BTBD3: variants seen among roughly 807,000 people sequenced by gnomAD.
BTBD3 encodes the protein BTB/POZ domain-containing protein 3.
In BTBD3, 14 loss-of-function variants were observed where a neutral mutation model predicts 41.6. The ratio of observed to expected loss-of-function variants is 0.34; its 90% CI spans 0.22 to 0.53. The LOEUF is 0.53. BTBD3 is among the 20% of genes least tolerant of loss of function. BTBD3 has a pLI of 0.95. For synonymous variants in BTBD3, 249 were observed against 233.7 expected (o/e 1.07, Z -0.60); for missense variants, 426 against 654.7 (o/e 0.65, Z 3.81).
intron 1 of BTBD3, chr20:11,892,395 A>G (rs1467681093): frequency 2.6e-5 from 4 of 152,212 alleles, no homozygotes; most frequent in Admixed American, 1.3e-4. Flanking sequence ...CCCACAGGTT[A>G]CTGGCTTTAA....
chr20:11,901,703 A>G (rs2056824700), intron 1 of BTBD3, among the ~76,000 whole-genome samples: 1 of 152,156 alleles, frequency 6.6e-6, no homozygotes, highest in Admixed American at 6.5e-5. Flanking sequence ...TTAGCTAGCA[A>G]ATATCTCCTA....
Position 11,923,263 on chromosome 20 carries a change from G to T in BTBD3, c.1166G>T (p.Arg389Leu). 1 of 1,614,200 alleles carries T rather than the reference G, an allele frequency of 6.2e-7. No individual in the cohort carries two copies. The highest frequency in any genetic ancestry group is 8.5e-7 in the Non-Finnish European group (1 of 1,180,040). Reference sequence around the variant, plus strand: ...TGTGCCTATCGAAGCAACCAATGGCGCTATCGTGGTCGCTGTGACAGCATC... The same window carrying T: ...TGTGCCTATCGAAGCAACCAATGGCTCTATCGTGGTCGCTGTGACAGCATC... ...QSCAYRSNQWRYRGRCDSIQF... is the reference protein window; with the variant it reads ...QSCAYRSNQWLYRGRCDSIQF... Residue 389 changes from arginine (R) to leucine (L), a missense_variant, in exon 4 of 4, where the codon CGC (arginine) becomes CTC (leucine). By Grantham distance (102) the Arg-to-Leu change is moderately radical. Around this residue, in one of 3 missense-constraint regions of BTBD3, gnomAD observed 321 missense variants for 534.8 expected, o/e 0.60. Transcript: ENST00000378226. This position sits in a 1 kb window ranked among gnomAD's most constrained non-coding sequence, Gnocchi z 5.3.
chr20:11,918,572 GCAGGGT>G lies in BTBD3; in HGVS notation c.299_304del (p.Gln100_Gly101del). ...ACAACCTTATCCCGGCCCCAAACTG[GCAGGGT>G]CTTTATCCCACCATTAGAGAGAGGT... On this transcript the variant is annotated inframe_deletion, in exon 1 of 4. Coordinates refer to ENST00000378226, the MANE Select transcript of BTBD3 (RefSeq NM_014962.4). 1 of 1,611,752 alleles carries G rather than the reference GCAGGGT, an allele frequency of 6.2e-7. No homozygotes were observed. The highest frequency in any genetic ancestry group is 8.5e-7 in the Non-Finnish European group (1 of 1,179,088).
At position 11,924,320 on chromosome 20, in the gene BTBD3, A is replaced by G. The variant is rs910788341; in HGVS notation, c.*654A>G. 2 of 152,234 alleles carry G rather than the reference A, an allele frequency of 1.3e-5. No homozygotes were observed. The highest frequency in any genetic ancestry group is 2.9e-5 in the Non-Finnish European group (2 of 68,044). The allele number at this position is 152,234 out of a possible 1,614,324, so 9.4% of individuals were successfully genotyped here. A position where few individuals can be genotyped will look rare whatever the true frequency, so the allele number is the denominator to read the frequency against. ...ATTTGTTTAGGCCATGACTTCTACA[A>G]GCAGATTTCTTTTCTTTTAGTTTAG... On this transcript the variant is annotated 3_prime_UTR_variant, in exon 4 of 4. Coordinates refer to ENST00000378226, the MANE Select transcript of BTBD3 (RefSeq NM_014962.4).
chr20:11,922,059 G>A (rs1483642589), intron 3 of BTBD3, among the ~76,000 whole-genome samples: 1 of 152,160 alleles, frequency 6.6e-6, no homozygotes, highest in African/African-American at 2.4e-5. Flanking sequence ...AGAGTTTTGA[G>A]TTTAAAAAAC....
chr20:11,919,673 T>G (rs776127166), intron 2 of BTBD3, 45 bp from the exon 3 acceptor site: 1 of 1,558,562 alleles, frequency 6.4e-7, no homozygotes, highest in South Asian at 1.1e-5. Flanking sequence ...TTGCTGGAAA[T>G]GCCTTCAATT....
chr20:11,911,715 CCT>C (rs541026510), intron 1 of BTBD3, among the ~76,000 whole-genome samples: 20 of 152,242 alleles, frequency 1.3e-4, no homozygotes, highest in African/African-American at 4.1e-4. Flanking sequence ...CAATTGGTTG[CCT>C]TTTTTTATTG....
At position 11,922,605 on chromosome 20, in the gene BTBD3, T is replaced by G. The variant is rs373656470; in HGVS notation, c.537-29T>G. 2.6e-6 allele frequency: 4 copies of G among 1,563,856 alleles called. No homozygotes were observed. In the African/African-American group the frequency reaches 5.4e-5, roughly 21 times the overall value. On this transcript the variant is annotated intron_variant, in intron 3 of 3. Transcript: ENST00000378226. ...CTGGATGTACTCATTTTGTGAAAAT[T>G]CCACTTACATGTTATGTGCTTTTTA... is the stretch of plus-strand genomic sequence containing the variant.
At chr20:11,916,364 C>T (rs1408748860), upstream of BTBD3, among the ~76,000 whole-genome samples, 2 of 152,162 alleles carry the variant, frequency 1.3e-5, no homozygotes, top group Non-Finnish European at 2.9e-5. Flanking sequence ...TTCTAGATCC[C>T]TCTCTAACAT....
At chr20:11,913,120 A>G (rs2056899042), upstream of BTBD3, among the ~76,000 whole-genome samples, 1 of 152,214 alleles carries the variant, frequency 6.6e-6, no homozygotes. Flanking sequence ...GTATTTCTTC[A>G]GTCTACCTTA....
Position 11,906,299 on chromosome 20 carries a change from C to T in BTBD3, c.-125-12035C>T, listed in dbSNP as rs373747724. 9.1e-3 allele frequency among the ~76,000 whole-genome samples: 595 copies of T among 65,262 alleles called. 8 individuals carry two copies. The highest frequency in any genetic ancestry group is 0.028 in the African/African-American group (556 of 19,710). 42.8% of individuals were successfully genotyped at this position (65,262 alleles called of 152,430 possible). On this transcript the variant is annotated intron_variant, in intron 1 of 4. Coordinates refer to the BTBD3 transcript ENST00000254977. ...TTTTTTTTTGAGACGGAGTCTCGTT[C>T]TGTAGCCCAGGGTGGAGTGCAATGG...
At chr20:11,918,820 G>A (rs1420234545) in intron 1 of BTBD3, 1 of 583,170 alleles carries the variant, frequency 1.7e-6, no homozygotes, top group African/African-American at 1.9e-5. Flanking sequence ...AAGTGACAGG[G>A]TTGTCTATGG....
chr20:11,894,311 G>C (rs911333715), intron 1 of BTBD3, among the ~76,000 whole-genome samples: 1 of 152,218 alleles, frequency 6.6e-6, no homozygotes, highest in African/African-American at 2.4e-5. Flanking sequence ...TATAGCAGTG[G>C]AAATCCTGGG....
intron 1 of BTBD3, among the ~76,000 whole-genome samples, chr20:11,893,648 T>C (rs1300658903): frequency 6.6e-6 from 1 of 152,204 alleles, no homozygotes; most frequent in African/African-American, 2.4e-5. Context: ...GCAAATACAG[T>C]TGAGAATTTG....
At chr20:11,901,876 A>G (rs963278886) in intron 1 of BTBD3, among the ~76,000 whole-genome samples, 7 of 152,220 alleles carry the variant, frequency 4.6e-5, no homozygotes, top group African/African-American at 1.4e-4. Context: ...ATAGTATTAT[A>G]TAGTTACTGA....
upstream of BTBD3, among the ~76,000 whole-genome samples, chr20:11,913,972 C>T (rs1013299632): frequency 3.3e-5 from 5 of 152,268 alleles, no homozygotes; most frequent in South Asian, 2.1e-4. Flanking sequence ...TCTTGCTCAC[C>T]GCCGTATGCC....
At position 11,918,379 on chromosome 20, in the gene BTBD3, C is replaced by A; in HGVS notation, c.104C>A (p.Thr35Asn). 6.2e-7 allele frequency: 1 copy of A among 1,614,136 alleles called. No individual in the cohort carries two copies. Among genetic ancestry groups the A allele is most frequent in the Admixed American group, 1.7e-5 (1 of 60,014 alleles). The stretch of plus-strand genomic sequence containing the variant: ...AAGAAAAGCTCAAAGAAAGCAAATA[C>A]CAGCAGCAGCAGTAGCAACAGCAGC... The part of the protein sequence containing the change: ...RSKKSSKKAN[T>N]SSSSSNSSKL... The change falls in exon 1 of 4, where the codon ACC (threonine) becomes AAC (asparagine). Residue 35 changes from threonine to asparagine, a missense_variant. Around this residue, in one of 3 missense-constraint regions of BTBD3, gnomAD observed 53 missense variants for 74.8 expected, o/e 0.71. Transcript: ENST00000378226.
chr20:11,910,447 T>C (rs2056882433), intron 1 of BTBD3: 3 of 152,322 alleles, frequency 2.0e-5, no homozygotes. Context: ...TTCAGGCCTT[T>C]TTGAAAGGGA....
chr20:11,923,677 C>A lies in BTBD3; in HGVS notation c.*11C>A. The A allele has an allele frequency of 6.4e-7, 1 of 1,573,126 alleles. No homozygotes were observed. Among genetic ancestry groups the A allele is most frequent in the Non-Finnish European group, 8.6e-7 (1 of 1,159,076 alleles). On this transcript the variant is annotated 3_prime_UTR_variant, in exon 4 of 4. Transcript: ENST00000378226. The surrounding 1 kb of genome is among the most constrained non-coding windows in gnomAD (Gnocchi z 5.3). ...ATATTCTATGCTTGAAAACTCACTT[C>A]CTGAAGCAGCTTGAGCTCCAAAGTG...
Sources: gnomAD v4.1 joint callset for allele counts (sites outside exome capture counted in the v4.1 genomes callset) on GRCh38, gnomAD v4.1.1 for gene constraint, gnomAD v4.1.1 regional missense constraint, Gnocchi (gnomAD v3.1) non-coding constraint, MANE v1.5 for transcripts, NCBI Gene and HGNC (gene_info 2026-07-23, HGNC 2026-07-21) for gene names.